Variants in PRKAA2 observed in about 807,000 individuals in gnomAD.
The protein encoded by PRKAA2 is protein kinase AMP-activated catalytic subunit alpha 2.
Under a neutral mutation model 56.3 loss-of-function variants are expected in PRKAA2, and 40 were observed. The observed-to-expected ratio is 0.71, with a 90% confidence interval of 0.55 to 0.92. PRKAA2 has a LOEUF of 0.92. Among genes scored for constraint, PRKAA2 ranks in the 40% least tolerant of loss-of-function variants. The pLI, the probability that PRKAA2 is intolerant of heterozygous loss-of-function variation, is 0.00. For synonymous variants in PRKAA2, 214 were observed against 234.2 expected (o/e 0.91, Z 0.79); for missense variants, 542 against 686.9 (o/e 0.79, Z 2.36).
chr1:56,666,407 C>T (rs1029470979), intron 1 of PRKAA2, among the ~76,000 whole-genome samples: 4 of 152,104 alleles, frequency 2.6e-5, no homozygotes, highest in African/African-American at 7.2e-5. Context: ...CTTAATCAGA[C>T]TGTTGAGTTG....
rs1269364756 is a variant in PRKAA2 at position 56,704,016 on chromosome 1, T to G, written c.834T>G (p.Pro278=). 1 of 1,613,402 alleles carries G rather than the reference T, an allele frequency of 6.2e-7. No homozygotes were observed. The highest frequency in any genetic ancestry group is 8.5e-7 in the Non-Finnish European group (1 of 1,179,574). The part of the protein sequence containing the change: ...FKQDLPSYLF[P]EDPSYDANVI... Reference sequence around the variant, plus strand: ...AAGATTTGCCCAGTTACTTATTTCCTGAAGACCCTTCCTATGATGCTAACG... The same window carrying G: ...AAGATTTGCCCAGTTACTTATTTCCGGAAGACCCTTCCTATGATGCTAACG... The change falls in exon 7 of 9, where the codon CCT becomes CCG. Residue 278 remains proline, a synonymous_variant. Transcript: ENST00000371244.
chr1:56,681,948 T>G (rs1440546311), intron 2 of PRKAA2, among the ~76,000 whole-genome samples: 2 of 152,152 alleles, frequency 1.3e-5, no homozygotes, highest in African/African-American at 2.4e-5. Flanking sequence ...CCTTGGGCAG[T>G]ATGGCCATTT....
chr1:56,699,644 A>G (rs1644281239), intron 6 of PRKAA2, among the ~76,000 whole-genome samples: 1 of 152,228 alleles, frequency 6.6e-6, no homozygotes, highest in South Asian at 2.1e-4. Context: ...TTTAGATTGT[A>G]TAATTCACTG....
At chr1:56,659,455 C>T (rs2100388270) in intron 1 of PRKAA2, among the ~76,000 whole-genome samples, 1 of 150,198 alleles carries the variant, frequency 6.7e-6, no homozygotes, top group South Asian at 2.1e-4. Context: ...TGAGATCATG[C>T]CACCGCACTC....
At chr1:56,706,281 T>G in intron 8 of PRKAA2, 63 bp downstream of exon 8, 1 of 1,570,058 alleles carries the variant, frequency 6.4e-7, no homozygotes, top group Non-Finnish European at 8.6e-7. Flanking sequence ...TGACCAGATG[T>G]TAAAATCATC....
intron 2 of PRKAA2, among the ~76,000 whole-genome samples, chr1:56,675,861 T>C (rs1277810762): frequency 6.6e-6 from 1 of 152,176 alleles, no homozygotes; most frequent in African/African-American, 2.4e-5. Context: ...GAGAGTTTAA[T>C]AGTGGAAACA....
chr1:56,692,992 G>A (rs1417895632), intron 4 of PRKAA2, among the ~76,000 whole-genome samples: 2 of 152,070 alleles, frequency 1.3e-5, no homozygotes, highest in East Asian at 1.9e-4. Flanking sequence ...AACAGTTTTT[G>A]TCAGGGGTAA....
chr1:56,684,849 G>T (rs1460937854), intron 2 of PRKAA2, among the ~76,000 whole-genome samples: 1 of 152,134 alleles, frequency 6.6e-6, no homozygotes, highest in Non-Finnish European at 1.5e-5. Flanking sequence ...AGAAGGAAAT[G>T]AGGAGTCTAA....
intron 1 of PRKAA2, among the ~76,000 whole-genome samples, chr1:56,668,754 A>G (rs1644054557): frequency 6.6e-6 from 1 of 152,210 alleles, no homozygotes; most frequent in African/African-American, 2.4e-5. Context: ...GTTCCAAACT[A>G]TGCCTTATGA....
At chr1:56,666,835 T>A (rs1644039792) in intron 1 of PRKAA2, among the ~76,000 whole-genome samples, 1 of 152,198 alleles carries the variant, frequency 6.6e-6, no homozygotes, top group South Asian at 2.1e-4. Context: ...TCTGATTACC[T>A]TCTTACTCCA....
chr1:56,661,652 C>A (rs1342497224), intron 1 of PRKAA2, among the ~76,000 whole-genome samples: 1 of 151,690 alleles, frequency 6.6e-6, no homozygotes, highest in East Asian at 1.9e-4. Context: ...TGTCTTTTTT[C>A]TATTTTTATT....
chr1:56,646,754 A>G (rs193179515), intron 1 of PRKAA2, among the ~76,000 whole-genome samples: 1 of 152,268 alleles, frequency 6.6e-6, no homozygotes, highest in African/African-American at 2.4e-5. Flanking sequence ...AAGGCTGTTG[A>G]ATGAGTAGAA....
rs532419496 is a variant in PRKAA2 at position 56,689,391 on chromosome 1, G to A, written c.237-2003G>A. Among the ~76,000 whole-genome samples the A allele has an allele frequency of 1.2e-4, 19 of 152,280 alleles. 1 individual carries two copies. In the South Asian group the frequency reaches 3.9e-3, roughly 32 times the overall value. On this transcript the variant is annotated intron_variant, in intron 2 of 8. Transcript: ENST00000371244. ...TATATAAATTAGAATACCTTGCCAT[G>A]TTTCTTCCCAAAGACTAATGATTGC...
At chr1:56,698,008 T>C (rs747729745) in intron 6 of PRKAA2, among the ~76,000 whole-genome samples, 85 of 151,772 alleles carry the variant, frequency 5.6e-4, no homozygotes, top group Non-Finnish European at 9.0e-4. Context: ...TCTTTTTAAA[T>C]TTATGTCATA....
intron 5 of PRKAA2, among the ~76,000 whole-genome samples, chr1:56,695,596 A>G (rs1275607988): frequency 1.3e-5 from 2 of 152,158 alleles, no homozygotes; most frequent in Non-Finnish European, 2.9e-5. Context: ...GATTTAACCT[A>G]TACACCATAG....
At chr1:56,678,781 C>T (rs949892767) in intron 2 of PRKAA2, among the ~76,000 whole-genome samples, 14 of 151,612 alleles carry the variant, frequency 9.2e-5, no homozygotes, top group African/African-American at 2.9e-4. Context: ...CTGCAACCTC[C>T]GCCTCCTGTG....
intron 1 of PRKAA2, among the ~76,000 whole-genome samples, chr1:56,662,812 G>C (rs989202491): frequency 8.2e-5 from 12 of 145,504 alleles, no homozygotes; most frequent in Admixed American, 2.2e-4. Context: ...CATCAGAACT[G>C]TAAGTTGGAT....
chr1:56,707,582 C>T lies in PRKAA2; in HGVS notation c.1528C>T (p.His510Tyr), dbSNP rs767760470. The T allele has an allele frequency of 1.2e-6, 2 of 1,614,014 alleles. No homozygotes were observed. The highest frequency in any genetic ancestry group is 1.7e-6 in the Non-Finnish European group (2 of 1,179,960). Reference sequence around the variant, plus strand: ...TTTTGATTCCACAACTGCAGAGAGCCATTCACTTTCTGGCTCTCTCACTGG... The same window carrying T: ...TTTTGATTCCACAACTGCAGAGAGCTATTCACTTTCTGGCTCTCTCACTGG... ...SSFDSTTAESHSLSGSLTGSL... is the reference protein window; with the variant it reads ...SSFDSTTAESYSLSGSLTGSL... Residue 510 changes from histidine (H) to tyrosine (Y), a missense_variant, in exon 9 of 9, where the codon CAT (histidine) becomes TAT (tyrosine). Around this residue, in one of 5 missense-constraint regions of PRKAA2, gnomAD observed 158 missense variants for 166.1 expected, o/e 0.95. Transcript: ENST00000371244.
intron 6 of PRKAA2, among the ~76,000 whole-genome samples, chr1:56,702,142 G>C (rs1365563888): frequency 6.6e-6 from 1 of 150,678 alleles, no homozygotes; most frequent in African/African-American, 2.4e-5. Flanking sequence ...GGAGTGCAAT[G>C]GCACGATCTC....
Sources: gnomAD v4.1 joint callset for allele counts (sites outside exome capture counted in the v4.1 genomes callset) on GRCh38, gnomAD v4.1.1 for gene constraint, gnomAD v4.1.1 regional missense constraint, MANE v1.5 for transcripts, NCBI Gene and HGNC (gene_info 2026-07-23, HGNC 2026-07-21) for gene names.